METAP2: variants seen among roughly 807,000 people sequenced by gnomAD.
METAP2 encodes methionine aminopeptidase 2.
METAP2 carries 25 observed loss-of-function variants against 59.4 expected under a neutral mutation model. The ratio of observed to expected loss-of-function variants is 0.42; its 90% CI spans 0.31 to 0.59. METAP2 has a LOEUF of 0.59. Among genes scored for constraint, METAP2 ranks in the 20% least tolerant of loss-of-function variants. METAP2 has a pLI of 0.16. For synonymous variants in METAP2, 214 were observed against 194.1 expected (o/e 1.10, Z -0.85); for missense variants, 366 against 581.2 (o/e 0.63, Z 3.81).
intron 7 of METAP2, among the ~76,000 whole-genome samples, chr12:95,497,932 C>T (rs1455687736): frequency 6.6e-6 from 1 of 150,950 alleles, no homozygotes; most frequent in Non-Finnish European, 1.5e-5. Flanking sequence ...TGGAGACCAT[C>T]CTGGCTAACA....
intron 7 of METAP2, among the ~76,000 whole-genome samples, chr12:95,503,662 A>G (rs1454157107): frequency 6.6e-6 from 1 of 152,178 alleles, no homozygotes; most frequent in African/African-American, 2.4e-5. Flanking sequence ...CATACCCCCA[A>G]GCTGTGTGCG....
chr12:95,487,896 A>G (rs2076209273), intron 4 of METAP2, among the ~76,000 whole-genome samples: 1 of 152,190 alleles, frequency 6.6e-6, no homozygotes, highest in African/African-American at 2.4e-5. Context: ...TTATTCCACC[A>G]TTCTTTAGCT....
chr12:95,475,826 C>T (rs79116716), intron 1 of METAP2, among the ~76,000 whole-genome samples: 1 of 142,492 alleles, frequency 7.0e-6, no homozygotes, highest in Non-Finnish European at 1.5e-5. Context: ...GACCAGTTCA[C>T]GCTGTTTATC....
chr12:95,504,132 A>C lies in METAP2; in HGVS notation c.935A>C (p.Glu312Ala). 1 of 1,610,634 alleles carries C rather than the reference A, an allele frequency of 6.2e-7. No homozygotes were observed. The highest frequency in any genetic ancestry group is 8.5e-7 in the Non-Finnish European group (1 of 1,176,994). ...ATCCAAGAAGTTATGGAGTCCTATGAAGTTGAAATAGATGGGAAGACATAT... is the reference window on the plus strand; with the variant it reads ...ATCCAAGAAGTTATGGAGTCCTATGCAGTTGAAATAGATGGGAAGACATAT... Reference protein sequence around the residue: ...EAIQEVMESYEVEIDGKTYQV... With the variant: ...EAIQEVMESYAVEIDGKTYQV... Residue 312 changes from glutamate (E) to alanine (A), a missense_variant, in exon 8 of 11, where the codon GAA becomes GCA. Glu to Ala is a moderately radical substitution (Grantham distance 107). Coordinates refer to ENST00000323666, the MANE Select transcript of METAP2 (RefSeq NM_006838.4).
intron 7 of METAP2, among the ~76,000 whole-genome samples, chr12:95,501,713 C>G (rs1382564299): frequency 7.4e-6 from 1 of 134,938 alleles, no homozygotes; most frequent in Non-Finnish European, 1.6e-5. Flanking sequence ...AACTCCGTTT[C>G]AAAAAGAAAA....
chr12:95,492,616 G>T (rs527909198), intron 4 of METAP2, among the ~76,000 whole-genome samples: 1 of 151,640 alleles, frequency 6.6e-6, no homozygotes, highest in South Asian at 2.1e-4. Flanking sequence ...CCCAGGCTGG[G>T]GTATAGTGGT....
At chr12:95,506,443 T>TGC (rs1555192898) in intron 8 of METAP2, among the ~76,000 whole-genome samples, 1 of 151,808 alleles carries the variant, frequency 6.6e-6, no homozygotes, top group East Asian at 2.0e-4. Flanking sequence ...ATTACAGGCA[T>TGC]GCGCCACTAC....
At chr12:95,509,122 T>TA (rs1475798751) in intron 8 of METAP2, among the ~76,000 whole-genome samples, 1 of 152,222 alleles carries the variant, frequency 6.6e-6, no homozygotes, top group Non-Finnish European at 1.5e-5. Flanking sequence ...CCTGTGCTGT[T>TA]ACAACCTGCA....
chr12:95,481,764 A>G (rs2076159813), intron 2 of METAP2, among the ~76,000 whole-genome samples: 1 of 152,230 alleles, frequency 6.6e-6, no homozygotes, highest in South Asian at 2.1e-4. Context: ...TTTTTAGTAT[A>G]TGTTTAAAAT....
At chr12:95,495,162 A>G in intron 6 of METAP2, 24 bp downstream of exon 6, 1 of 1,571,582 alleles carries the variant, frequency 6.4e-7, no homozygotes, top group South Asian at 1.2e-5. Flanking sequence ...GAAAATTCCT[A>G]CCCCAGCCTC....
chr12:95,478,215 T>C (rs2076134871), intron 2 of METAP2, among the ~76,000 whole-genome samples: 1 of 152,168 alleles, frequency 6.6e-6, no homozygotes, highest in African/African-American at 2.4e-5. Flanking sequence ...AAATCTTCAA[T>C]GTATTAAAGA....
At chr12:95,479,490 CTG>C (rs2076143355) in intron 2 of METAP2, among the ~76,000 whole-genome samples, 1 of 152,158 alleles carries the variant, frequency 6.6e-6, no homozygotes, top group Admixed American at 6.5e-5. Flanking sequence ...GAATTGGAAA[CTG>C]TGGTATTGGT....
chr12:95,512,889 A>G lies in METAP2; in HGVS notation c.1157A>G (p.Asn386Ser). Residue 386 changes from asparagine (N) to serine (S), a missense_variant, in exon 10 of 11, where the codon AAT becomes AGT. Around this residue, in one of 4 missense-constraint regions of METAP2, gnomAD observed 82 missense variants for 156.2 expected, o/e 0.52. Coordinates refer to ENST00000323666, the MANE Select transcript of METAP2 (RefSeq NM_006838.4). ...ATGGAATGTTCACATTACATGAAAA[A>G]TTTTGATGTTGGACATGTGCCAATA... ...DDMECSHYMKNFDVGHVPIRL... is the reference protein window; with the variant it reads ...DDMECSHYMKSFDVGHVPIRL... 1.2e-5 allele frequency: 20 copies of G among 1,611,226 alleles called. No individual in the cohort carries two copies. The highest frequency in any genetic ancestry group is 2.2e-5 in the East Asian group (1 of 44,838).
chr12:95,504,894 C>T (rs1041110028), intron 8 of METAP2, among the ~76,000 whole-genome samples: 1 of 152,112 alleles, frequency 6.6e-6, no homozygotes, highest in Non-Finnish European at 1.5e-5. Context: ...TAGTCTTTAC[C>T]AGTGACTACC....
intron 8 of METAP2, among the ~76,000 whole-genome samples, chr12:95,511,548 C>A (rs536642099): frequency 8.3e-4 from 127 of 152,114 alleles, no homozygotes; most frequent in African/African-American, 3.0e-3. Flanking sequence ...CCCACCACCA[C>A]ACCCAGCGAA....
intron 2 of METAP2, chr12:95,482,048 C>G (rs1471038436): frequency 7.8e-6 from 3 of 387,044 alleles, no homozygotes; most frequent in African/African-American, 6.3e-5. Flanking sequence ...TTTTCGTGTG[C>G]CTTTTGTTAG....
In METAP2 at chr12:95,515,231, A is replaced by G. The variant is rs1401527796; in HGVS notation, c.*1327A>G. 1 of 152,660 alleles carries G rather than the reference A, an allele frequency of 6.6e-6. No homozygotes were observed. Among genetic ancestry groups the G allele is most frequent in the Admixed American group, 6.5e-5 (1 of 15,284 alleles). The allele number at this position is 152,660 out of a possible 1,614,324, so 9.5% of individuals were successfully genotyped here. On this transcript the variant is annotated 3_prime_UTR_variant, in exon 11 of 11. Coordinates refer to ENST00000323666, the MANE Select transcript of METAP2 (RefSeq NM_006838.4). ...CTTGTGTACCTAGATCATCTGTTAC[A>G]TTAAAAAGCTGCTCTTTCAGCATTA...
chr12:95,484,107 C>G (rs2076178767), intron 3 of METAP2, among the ~76,000 whole-genome samples: 1 of 152,058 alleles, frequency 6.6e-6, no homozygotes, highest in Admixed American at 6.6e-5. Flanking sequence ...AAGTTTTAAT[C>G]TTGGATGCCA....
chr12:95,481,992 GT>G (rs1476134862), intron 2 of METAP2: 3 of 289,994 alleles, frequency 1.0e-5, no homozygotes. Context: ...GGTGAAGAAG[GT>G]TACTGTTAAC....
Sources: gnomAD v4.1 joint callset for allele counts (sites outside exome capture counted in the v4.1 genomes callset) on GRCh38, gnomAD v4.1.1 for gene constraint, gnomAD v4.1.1 regional missense constraint, MANE v1.5 for transcripts, NCBI Gene and HGNC (gene_info 2026-07-23, HGNC 2026-07-21) for gene names.